TGM3: variants seen among roughly 807,000 people sequenced by gnomAD.
The protein encoded by TGM3 is protein-glutamine gamma-glutamyltransferase E.
A neutral mutation model predicts 73.8 loss-of-function variants in TGM3; 52 were observed. The ratio of observed to expected loss-of-function variants is 0.70; its 90% CI spans 0.56 to 0.89. TGM3 has a LOEUF of 0.89. TGM3 is among the 40% of genes least tolerant of loss of function. The pLI, the probability that TGM3 is intolerant of heterozygous loss-of-function variation, is 0.00. For synonymous variants in TGM3, 372 were observed against 354.9 expected, an observed-to-expected ratio of 1.05 and a Z score of -0.54; for missense variants, 928 against 909.9, an observed-to-expected ratio of 1.02 and a Z score of -0.26.
rs2084195767 is a variant in TGM3, at chr20:2,310,180, C to A, written c.184C>A (p.Pro62Thr). ...ERLEFIVSTG[P>T]YPSESAMTKA... ...TCAACCTCTGTCTTCTTTGACAGGG[C>A]CTTACCCCTCAGAGTCGGCCATGAC... is the stretch of plus-strand genomic sequence containing the variant. The change falls in exon 3 of 13, where the codon CCT becomes ACT. Residue 62 changes from proline (P) to threonine (T), a missense_variant and splice_region_variant. Transcript: ENST00000381458. 6.2e-7 allele frequency: 1 copy of A among 1,614,016 alleles called. No homozygotes were observed. Among genetic ancestry groups the A allele is most frequent in the African/African-American group, 1.3e-5 (1 of 74,952 alleles).
chr20:2,335,251 A>G lies in TGM3; in HGVS notation c.1778A>G (p.Asp593Gly). ...GTGGTGGAGCGGGACATCATCCTGG[A>G]CAACCCCACCTTGACCCTGGAGGTA... The part of the protein sequence containing the change: ...EVVVERDIIL[D>G]NPTLTLEVLN... Residue 593 changes from aspartate to glycine, a missense_variant, in exon 11 of 13, where the codon GAC (aspartate) becomes GGC (glycine). Physicochemically the swap from Asp to Gly is moderately conservative, Grantham distance 94. Coordinates refer to ENST00000381458, the MANE Select transcript of TGM3 (RefSeq NM_003245.4). 4 of 1,614,140 alleles carry G rather than the reference A, an allele frequency of 2.5e-6. No individual in the cohort carries two copies. Among genetic ancestry groups the G allele is most frequent in the Non-Finnish European group, 3.4e-6 (4 of 1,180,024 alleles).
At chr20:2,340,023 C>T (rs367906469) in intron 12 of TGM3, 36 bp downstream of exon 12, 73 of 121,186 alleles carry the variant, frequency 6.0e-4, no homozygotes, top group African/African-American at 3.7e-3. Flanking sequence ...TGCAGGAGGG[C>T]GGGAGGGGGC....
Position 2,317,365 on chromosome 20 carries a change from G to A in TGM3, c.863G>A (p.Gly288Glu). The change falls in exon 7 of 13, where the codon GGG becomes GAG. Residue 288 changes from glycine (G) to glutamate (E), a missense_variant. Physicochemically the swap from Gly to Glu is moderately conservative, Grantham distance 98 (BLOSUM62 -2). Transcript: ENST00000381458. Reference protein sequence around the residue: ...GTLNTALRSLGIPSRVITNFN... With the variant: ...GTLNTALRSLEIPSRVITNFN... ...TGACTTGCAGCGCTGCGGTCTTTGGGGATTCCTTCCCGGGTGATCACCAAC... is the reference window on the plus strand; with the variant it reads ...TGACTTGCAGCGCTGCGGTCTTTGGAGATTCCTTCCCGGGTGATCACCAAC... 6.2e-7 allele frequency: 1 copy of A among 1,614,166 alleles called. No homozygotes were observed. The highest frequency in any genetic ancestry group is 8.5e-7 in the Non-Finnish European group (1 of 1,180,036).
rs2084299506 is a variant in TGM3, at chr20:2,328,119, G to A, written c.1088-1G>A. The A allele has an allele frequency of 2.5e-6, 4 of 1,614,048 alleles. No individual in the cohort carries two copies. Among genetic ancestry groups the A allele is most frequent in the Non-Finnish European group, 3.4e-6 (4 of 1,180,042 alleles). ...TCCAGCCTCTGCATCTTGGCCTCCA[G>A]GGGTGTTCCAGTGCGGCCCCGCTTC... On this transcript the variant is annotated splice_acceptor_variant, in intron 8 of 12. Coordinates refer to ENST00000381458, the MANE Select transcript of TGM3 (RefSeq NM_003245.4). LOFTEE classifies it high-confidence loss of function. This position sits in a 1 kb window ranked among gnomAD's most constrained non-coding sequence, Gnocchi z 5.2.
intron 11 of TGM3, 126 bp downstream of exon 11, chr20:2,335,399 G>C: frequency 8.1e-7 from 1 of 1,235,290 alleles, no homozygotes; most frequent in Non-Finnish European, 1.1e-6. Context: ...CTTGCTGGGA[G>C]GGGCAGAGAA....
Position 2,309,844 on chromosome 20 carries a change from C to G in TGM3, c.181+14C>G. On this transcript the variant is annotated intron_variant, in intron 2 of 12. Coordinates refer to ENST00000381458, the MANE Select transcript of TGM3 (RefSeq NM_003245.4). The stretch of plus-strand genomic sequence containing the variant: ...TTGTCTCCACAGGTACCTGCTCATT[C>G]CCCTCCTTGCCCAAACACACACATA... The G allele has an allele frequency of 1.2e-6, 2 of 1,613,842 alleles. No homozygotes were observed.
rs1379749482 is a variant in TGM3, at chr20:2,325,858, T to C, written c.993T>C (p.His331=). 7.0e-6 allele frequency: 11 copies of C among 1,562,686 alleles called. No homozygotes were observed. Among genetic ancestry groups the C allele is most frequent in the Middle Eastern group, 1.7e-4 (1 of 6,006 alleles). ...DKGSDSVWNF[H]VWNEGWFVRS... ...CTGGTTCTATCTGCAGGAATTTCCATGTCTGGAATGAAGGCTGGTTTGTGA... is the reference window on the plus strand; with the variant it reads ...CTGGTTCTATCTGCAGGAATTTCCACGTCTGGAATGAAGGCTGGTTTGTGA... The change falls in exon 8 of 13, where the codon CAT becomes CAC. Residue 331 remains histidine, a synonymous_variant. Transcript: ENST00000381458.
At chr20:2,317,987 C>T (rs765208200) in intron 7 of TGM3, among the ~76,000 whole-genome samples, 2 of 147,612 alleles carry the variant, frequency 1.4e-5, no homozygotes, top group Non-Finnish European at 1.5e-5. Flanking sequence ...TGGTTGACAT[C>T]AAAAGTTCAG....
chr20:2,308,393 C>A (rs925088102), intron 1 of TGM3, among the ~76,000 whole-genome samples: 5 of 152,142 alleles, frequency 3.3e-5, no homozygotes, highest in South Asian at 2.1e-4. Context: ...GGTGATGTAA[C>A]CTCTTAAACA....
chr20:2,307,705 C>T (rs2084182767), intron 1 of TGM3, among the ~76,000 whole-genome samples: 1 of 152,130 alleles, frequency 6.6e-6, no homozygotes, highest in South Asian at 2.1e-4. Context: ...ACACTCCCAA[C>T]ATTGTGCCTC....
chr20:2,317,636 A>G, intron 7 of TGM3, 151 bp downstream of exon 7: 1 of 1,105,670 alleles, frequency 9.0e-7, no homozygotes, highest in Non-Finnish European at 1.3e-6. Context: ...GGCAATGCTG[A>G]TTACACACTT....
At chr20:2,319,726 C>T (rs1310003402) in intron 7 of TGM3, among the ~76,000 whole-genome samples, 1 of 152,140 alleles carries the variant, frequency 6.6e-6, no homozygotes, top group Non-Finnish European at 1.5e-5. Context: ...TCTGAACCTT[C>T]TCAGAAAGCC....
rs563291825 is a variant in TGM3, at chr20:2,309,978, G to T, written c.181+148G>T. 2.6e-4 allele frequency: 359 copies of T among 1,365,318 alleles called. 2 individuals carry two copies. The highest frequency in any genetic ancestry group is 2.5e-3 in the Middle Eastern group (12 of 4,726). 84.6% of individuals were successfully genotyped at this position (1,365,318 alleles called of 1,614,324 possible). A position where few individuals can be genotyped will look rare whatever the true frequency, so the allele number is the denominator to read the frequency against. ...GATTCAGTGTGGCCTTGGGCAAGTT[G>T]CTGTCCATCTCTGAGCCTGAGAGTC... On this transcript the variant is annotated intron_variant, in intron 2 of 12. Coordinates refer to ENST00000381458, the MANE Select transcript of TGM3 (RefSeq NM_003245.4).
intron 7 of TGM3, among the ~76,000 whole-genome samples, chr20:2,322,387 C>T (rs999878721): frequency 2.0e-5 from 3 of 152,066 alleles, no homozygotes; most frequent in African/African-American, 4.8e-5. Context: ...TCCCACACCT[C>T]GAAACCAATC....
intron 1 of TGM3, among the ~76,000 whole-genome samples, chr20:2,305,593 C>A (rs2084172706): frequency 6.6e-6 from 1 of 152,186 alleles, no homozygotes; most frequent in African/African-American, 2.4e-5. Flanking sequence ...AGGCTGATGA[C>A]AAAAGTGAGC....
intron 5 of TGM3, among the ~76,000 whole-genome samples, chr20:2,313,559 G>A (rs761088742): frequency 6.6e-6 from 1 of 152,158 alleles, no homozygotes; most frequent in Non-Finnish European, 1.5e-5. Flanking sequence ...AAGGCACACG[G>A]CATGCAAGTC....
chr20:2,319,525 C>G (rs2084252274), intron 7 of TGM3, among the ~76,000 whole-genome samples: 1 of 152,122 alleles, frequency 6.6e-6, no homozygotes, highest in Non-Finnish European at 1.5e-5. Context: ...GAATTAGAAC[C>G]CAGGTCTCCT....
chr20:2,332,778 C>G lies in TGM3; in HGVS notation c.1642+468C>G, dbSNP rs1006386049. 1.9e-4 allele frequency among the ~76,000 whole-genome samples: 29 copies of G among 152,154 alleles called. 1 individual carries two copies. Among genetic ancestry groups the G allele is most frequent in the Admixed American group, 1.7e-3 (26 of 15,270 alleles). On this transcript the variant is annotated intron_variant, in intron 10 of 12. Transcript: ENST00000381458. This position sits in a 1 kb window ranked among gnomAD's most constrained non-coding sequence, Gnocchi z 4.4. ...CCTGATACTGAGTCCAGAGCCACCC[C>G]CTGTTTTCTATGTTGTATTGTTCTT... is the stretch of plus-strand genomic sequence containing the variant.
rs34234428 is a variant in TGM3, at chr20:2,332,249, C to A, written c.1581C>A (p.Asn527Lys). 5 of 1,613,656 alleles carry A rather than the reference C, an allele frequency of 3.1e-6. No individual in the cohort carries two copies. In the African/African-American group the frequency reaches 5.3e-5, roughly 17 times the overall value. Reference sequence around the variant, plus strand: ...TGACAGCCTGGACCATCATCTACAACGGCACGCTTGTACATGAAGTGTGGA... The same window carrying A: ...TGACAGCCTGGACCATCATCTACAAAGGCACGCTTGTACATGAAGTGTGGA... Reference protein sequence around the residue: ...VNMTAWTIIYNGTLVHEVWKD... With the variant: ...VNMTAWTIIYKGTLVHEVWKD... The change falls in exon 10 of 13, where the codon AAC becomes AAA. Residue 527 changes from asparagine to lysine, a missense_variant. Physicochemically the swap from Asn to Lys is moderately conservative, Grantham distance 94. Coordinates refer to ENST00000381458, the MANE Select transcript of TGM3 (RefSeq NM_003245.4). This position sits in a 1 kb window ranked among gnomAD's most constrained non-coding sequence, Gnocchi z 4.4.
Sources: allele counts gnomAD v4.1 joint callset (sites outside exome capture counted in the v4.1 genomes callset), GRCh38; gene constraint gnomAD v4.1.1; non-coding constraint Gnocchi (gnomAD v3.1); transcripts MANE v1.5; gene names NCBI Gene and HGNC (gene_info 2026-07-23, HGNC 2026-07-21).